The following MDGA2 variants were observed in gnomAD, a reference collection of about 807,000 sequenced individuals.
MDGA2 encodes the protein MAM domain-containing glycosylphosphatidylinositol anchor protein 2.
Under a neutral mutation model 117.8 loss-of-function variants are expected in MDGA2, and 40 were observed. The observed-to-expected ratio is 0.34, with a 90% confidence interval of 0.26 to 0.44. MDGA2 has a LOEUF of 0.44. MDGA2 is among the 20% of genes least tolerant of loss of function. The pLI is 1.00. For synonymous variants in MDGA2, 452 were observed against 439.0 expected, an observed-to-expected ratio of 1.03 and a Z score of -0.37; for missense variants, 1,123 against 1,250.6, an observed-to-expected ratio of 0.90 and a Z score of 1.54.
At chr14:47,367,663 C>A (rs1029071116) in intron 1 of MDGA2, among the ~76,000 whole-genome samples, 12 of 151,606 alleles carry the variant, frequency 7.9e-5, no homozygotes, top group Admixed American at 7.2e-4. Flanking sequence ...CCACAATTTG[C>A]CAAAATCAAA....
At position 47,322,402 on chromosome 14, in the gene MDGA2, C is replaced by T. The variant is rs116637916; in HGVS notation, c.281-20852G>A. Among the ~76,000 whole-genome samples the T allele has an allele frequency of 2.2e-3, 329 of 152,214 alleles. 3 individuals are homozygous for T. The highest frequency in any genetic ancestry group is 6.7e-3 in the African/African-American group (279 of 41,530). ...AGTAATTTTGTGCTATATTTCATTT[C>T]GTGCTTTATTATTATTATTATTTTA... is the stretch of plus-strand genomic sequence containing the variant. On this transcript the variant is annotated intron_variant, in intron 1 of 16. Coordinates refer to ENST00000399232, the MANE Select transcript of MDGA2 (RefSeq NM_001113498.3).
chr14:47,449,817 T>A (rs957774797), intron 1 of MDGA2, among the ~76,000 whole-genome samples: 1 of 152,106 alleles, frequency 6.6e-6, no homozygotes, highest in African/African-American at 2.4e-5. Context: ...TGCTTTCTTA[T>A]GCAAAAACAA....
chr14:47,395,434 T>A (rs1891987160), intron 1 of MDGA2, among the ~76,000 whole-genome samples: 1 of 152,178 alleles, frequency 6.6e-6, no homozygotes. Flanking sequence ...CATACAATAT[T>A]TCGTCTTTAA....
At chr14:46,911,130 G>C (rs969420676) in intron 10 of MDGA2, among the ~76,000 whole-genome samples, 2 of 152,074 alleles carry the variant, frequency 1.3e-5, no homozygotes, top group African/African-American at 2.4e-5. Flanking sequence ...CTTGTGCATG[G>C]ACACCTAAAC....
intron 3 of MDGA2, among the ~76,000 whole-genome samples, chr14:47,198,627 T>C (rs1357602641): frequency 1.3e-5 from 2 of 152,126 alleles, no homozygotes; most frequent in Non-Finnish European, 2.9e-5. Context: ...TGAATACAAT[T>C]ATGATGAAAA....
At position 46,992,097 on chromosome 14, in the gene MDGA2, C is replaced by A. The variant is rs146497768; in HGVS notation, c.1820-34454G>T. Reference sequence around the variant, plus strand: ...CTTTCTGTCAAAAGATCAAAACTAGCAGATACTTTCAATAGTTGAGGTACA... The same window carrying A: ...CTTTCTGTCAAAAGATCAAAACTAGAAGATACTTTCAATAGTTGAGGTACA... On this transcript the variant is annotated intron_variant, in intron 8 of 16. Transcript: ENST00000399232. 8.8e-3 allele frequency among the ~76,000 whole-genome samples: 1,332 copies of A among 152,180 alleles called. 14 individuals are homozygous for A. Among genetic ancestry groups the A allele is most frequent in the Non-Finnish European group, 0.014 (959 of 67,982 alleles).
At chr14:47,073,941 C>T (rs558188906) in intron 6 of MDGA2, among the ~76,000 whole-genome samples, 5 of 152,266 alleles carry the variant, frequency 3.3e-5, no homozygotes, top group African/African-American at 7.2e-5. Context: ...CTTTCTAAAG[C>T]TGACCTCTTA....
intron 3 of MDGA2, among the ~76,000 whole-genome samples, chr14:47,168,484 T>C (rs189590904): frequency 6.6e-6 from 1 of 152,042 alleles, no homozygotes; most frequent in Non-Finnish European, 1.5e-5. Flanking sequence ...TCAACTGATA[T>C]AAGCTATTGT....
At chr14:47,453,151 T>A (rs1031312987) in intron 1 of MDGA2, among the ~76,000 whole-genome samples, 1 of 152,044 alleles carries the variant, frequency 6.6e-6, no homozygotes, top group Non-Finnish European at 1.5e-5. Context: ...TATTAATATA[T>A]ACATTTATAG....
chr14:46,965,883 ATAT>A (rs1886009481), intron 8 of MDGA2, among the ~76,000 whole-genome samples: 1 of 152,180 alleles, frequency 6.6e-6, no homozygotes, highest in Non-Finnish European at 1.5e-5. Context: ...ATATATAGGA[ATAT>A]TATGAGAAAA....
intron 8 of MDGA2, among the ~76,000 whole-genome samples, chr14:47,030,457 T>C (rs1888622567): frequency 6.6e-6 from 1 of 151,784 alleles, no homozygotes; most frequent in Non-Finnish European, 1.5e-5. Context: ...GAAGTTGTGG[T>C]GAGCTGGGAT....
intron 3 of MDGA2, among the ~76,000 whole-genome samples, chr14:47,152,709 A>AC (rs1883208633): frequency 1.3e-5 from 2 of 152,108 alleles, no homozygotes; most frequent in African/African-American, 4.8e-5. Flanking sequence ...TGAAAAAAAA[A>AC]CACAACACAA....
Position 47,301,293 on chromosome 14 carries a change from ACC to A in MDGA2, c.420+116_420+117del, listed in dbSNP as rs1270946446. The A allele has an allele frequency of 1.1e-5, 9 of 789,316 alleles. No individual in the cohort carries two copies. In the African/African-American group the frequency reaches 1.6e-4, roughly 14 times the overall value. The allele number at this position is 789,316 out of a possible 1,614,324, so 48.9% of individuals were successfully genotyped here. On this transcript the variant is annotated intron_variant, in intron 2 of 16. Coordinates refer to ENST00000399232, the MANE Select transcript of MDGA2 (RefSeq NM_001113498.3). ...GTTACACACACACACACCCACACCC[ACC>A]CACACACACACACACACACACACAC...
At chr14:46,948,354 C>G (rs1256209674) in intron 9 of MDGA2, among the ~76,000 whole-genome samples, 1 of 151,922 alleles carries the variant, frequency 6.6e-6, no homozygotes, top group Non-Finnish European at 1.5e-5. Flanking sequence ...TAAGGATGAC[C>G]TAGGCTCTTG....
At chr14:47,457,873 G>A (rs1401461003) in intron 1 of MDGA2, among the ~76,000 whole-genome samples, 40 of 149,942 alleles carry the variant, frequency 2.7e-4, no homozygotes, top group African/African-American at 8.8e-4. Context: ...AATGACAAGA[G>A]CACATATTTT....
intron 5 of MDGA2, among the ~76,000 whole-genome samples, chr14:47,101,214 AG>A (rs1880305751): frequency 6.6e-6 from 1 of 152,176 alleles, no homozygotes; most frequent in African/African-American, 2.4e-5. Context: ...AAGGAAAGAA[AG>A]GAAGGGAAAG....
At chr14:47,365,463 G>A (rs1455037114) in intron 1 of MDGA2, among the ~76,000 whole-genome samples, 1 of 152,270 alleles carries the variant, frequency 6.6e-6, no homozygotes, top group Non-Finnish European at 1.5e-5. Context: ...GCTGCTGGCA[G>A]CGCAACCCAT....
At chr14:47,169,885 T>A (rs1179969312) in intron 3 of MDGA2, among the ~76,000 whole-genome samples, 4 of 152,064 alleles carry the variant, frequency 2.6e-5, no homozygotes, top group Non-Finnish European at 4.4e-5. Context: ...TATATTTAAA[T>A]GAGAAAACTC....
chr14:47,598,046 CAT>C (rs1896580479), intron 1 of MDGA2, among the ~76,000 whole-genome samples: 1 of 152,102 alleles, frequency 6.6e-6, no homozygotes, highest in African/African-American at 2.4e-5. Context: ...AACAAGCTGC[CAT>C]AACCATGCAA....
Sources: allele counts gnomAD v4.1 joint callset (sites outside exome capture counted in the v4.1 genomes callset), GRCh38; gene constraint gnomAD v4.1.1; transcripts MANE v1.5; gene names NCBI Gene and HGNC (gene_info 2026-07-23, HGNC 2026-07-21).